The following EXOC7 variants were observed in gnomAD, a reference collection of about 807,000 sequenced individuals.
The protein encoded by EXOC7 is exocyst complex component Exo70.
EXOC7 carries 51 observed loss-of-function variants against 87.6 expected under a neutral mutation model. The observed-to-expected ratio is 0.58, with a 90% CI of 0.46 to 0.73. The LOEUF is 0.73. Among genes scored for constraint, EXOC7 ranks in the 30% least tolerant of loss-of-function variants. The probability of loss-of-function intolerance (pLI) is 0.00; values close to 1 mark genes in which losing one functional copy is unlikely to be tolerated. For synonymous variants in EXOC7, 327 were observed against 357.1 expected, an observed-to-expected ratio of 0.92 and a Z score of 0.95; for missense variants, 744 against 888.4, an observed-to-expected ratio of 0.84 and a Z score of 2.07.
chr17:76,091,098 C>T, intron 7 of EXOC7, 45 bp downstream of exon 7: 1 of 1,549,748 alleles, frequency 6.5e-7, no homozygotes, highest in African/African-American at 1.4e-5. Context: ...TGCGTGGACA[C>T]ACAGTGGAGG....
intron 7 of EXOC7, chr17:76,090,556 A>C: frequency 2.2e-6 from 3 of 1,374,678 alleles, no homozygotes; most frequent in Middle Eastern, 1.9e-4. Context: ...CCCCTCCTCT[A>C]CCTCAAGCCA....
intron 15 of EXOC7, 96 bp from the exon 16 acceptor site, chr17:76,084,676 T>C (rs1481592472): frequency 1.8e-6 from 2 of 1,107,080 alleles, no homozygotes; most frequent in Non-Finnish European, 2.7e-6. Flanking sequence ...ACTTGGTGGG[T>C]GGTGGTAGGA....
At chr17:76,094,665 G>T in intron 5 of EXOC7, 84 bp from the exon 6 acceptor site, 1 of 1,401,150 alleles carries the variant, frequency 7.1e-7, no homozygotes, top group Non-Finnish European at 9.8e-7. Flanking sequence ...TGTCAAACCT[G>T]TCAACCCTTC....
At chr17:76,094,290 G>A (rs1260025736) in intron 6 of EXOC7, 124 bp downstream of exon 6, 6 of 1,053,544 alleles carry the variant, frequency 5.7e-6, no homozygotes, top group South Asian at 1.7e-5. Context: ...TGTACCTACA[G>A]TCGGGGTTAC....
At chr17:76,085,918 C>T (rs575497029) in intron 13 of EXOC7, 121 bp from the exon 14 acceptor site, 3 of 1,520,418 alleles carry the variant, frequency 2.0e-6, no homozygotes, top group African/African-American at 2.7e-5. Flanking sequence ...GGCCTTAGCC[C>T]AACTCCCCTC....
In EXOC7 at chr17:76,082,594, T is replaced by C; in HGVS notation, c.*1054A>G. ...TGCAGGAATCTGGATGTGGGCAGCGTGCAAGTCTGACGCAGCCCCTGGAGA... is the reference window on the plus strand; with the variant it reads ...TGCAGGAATCTGGATGTGGGCAGCGCGCAAGTCTGACGCAGCCCCTGGAGA... On this transcript the variant is annotated 3_prime_UTR_variant, in exon 19 of 19. Coordinates refer to ENST00000589210, the MANE Select transcript of EXOC7 (RefSeq NM_001013839.4). 1 of 1,613,516 alleles carries C rather than the reference T, an allele frequency of 6.2e-7. No individual in the cohort carries two copies. Among genetic ancestry groups the C allele is most frequent in the Non-Finnish European group, 8.5e-7 (1 of 1,179,902 alleles).
At chr17:76,086,022 A>G (rs546700686) in intron 13 of EXOC7, 58 bp downstream of exon 13, 3 of 1,591,318 alleles carry the variant, frequency 1.9e-6, no homozygotes, top group African/African-American at 2.7e-5. Context: ...GACAGAAGGA[A>G]GGGAAAGGCA....
intron 6 of EXOC7, 199 bp from the exon 7 acceptor site, chr17:76,091,434 T>G: frequency 1.7e-6 from 1 of 580,444 alleles, no homozygotes; most frequent in Non-Finnish European, 3.1e-6. Flanking sequence ...GGAGCCTTGA[T>G]TCTACTACCG....
chr17:76,100,742 C>A (rs2068018987), intron 4 of EXOC7, among the ~76,000 whole-genome samples: 1 of 152,110 alleles, frequency 6.6e-6, no homozygotes, highest in Non-Finnish European at 1.5e-5. Flanking sequence ...CCTGTAATCC[C>A]AGGCCAAGGC....
intron 5 of EXOC7, among the ~76,000 whole-genome samples, chr17:76,097,325 T>C (rs1041289876): frequency 1.3e-5 from 2 of 152,206 alleles, no homozygotes; most frequent in Non-Finnish European, 2.9e-5. Context: ...CCACTTGATA[T>C]ACAAGTCATA....
chr17:76,085,715 C>T lies in EXOC7; in HGVS notation c.1578G>A (p.Leu526=), dbSNP rs868228304. ...YEDPALSAIF[L]HNNYNYILKS... ...TGAGGATGTAATTGTAGTTGTTGTG[C>T]AGGAAGATGGCGCTCAGAGCTGGGT... The change falls in exon 14 of 19, where the codon CTG becomes CTA. Residue 526 remains leucine (L), a synonymous_variant. Transcript: ENST00000589210. 2 of 1,614,132 alleles carry T rather than the reference C, an allele frequency of 1.2e-6. No individual in the cohort carries two copies. The highest frequency in any genetic ancestry group is 1.7e-6 in the Non-Finnish European group (2 of 1,180,032).
rs2144571742 is a variant in EXOC7 at position 76,082,127 on chromosome 17, G to A, written c.*1521C>T. On this transcript the variant is annotated 3_prime_UTR_variant, in exon 19 of 19. Coordinates refer to ENST00000589210, the MANE Select transcript of EXOC7 (RefSeq NM_001013839.4). ...GGGGTGAGGGCACGGAGGTCCAGGT[G>A]TGGGTAGAGGCCCCTTGCATCCACC... is the stretch of plus-strand genomic sequence containing the variant. The A allele has an allele frequency of 6.7e-7, 1 of 1,481,706 alleles. No homozygotes were observed. The highest frequency in any genetic ancestry group is 2.2e-4 in the Middle Eastern group (1 of 4,462). The allele number at this position is 1,481,706 out of a possible 1,614,324, so 91.8% of individuals were successfully genotyped here.
chr17:76,082,791 C>G lies in EXOC7; in HGVS notation c.*857G>C. ...ACACAAGCACAGAGCGTGAAATAAACCCATCTCCAGTGCAAGTGTGCCTCA... is the reference window on the plus strand; with the variant it reads ...ACACAAGCACAGAGCGTGAAATAAAGCCATCTCCAGTGCAAGTGTGCCTCA... On this transcript the variant is annotated 3_prime_UTR_variant, in exon 19 of 19. Coordinates refer to ENST00000589210, the MANE Select transcript of EXOC7 (RefSeq NM_001013839.4). The G allele has an allele frequency of 1.2e-6, 1 of 817,606 alleles. No individual in the cohort carries two copies. The highest frequency in any genetic ancestry group is 1.8e-6 in the Non-Finnish European group (1 of 560,812). The allele number at this position is 817,606 out of a possible 1,614,324, so 50.6% of individuals were successfully genotyped here.
chr17:76,092,011 G>T (rs1401615911), intron 6 of EXOC7, among the ~76,000 whole-genome samples: 2 of 152,312 alleles, frequency 1.3e-5, no homozygotes, highest in African/African-American at 2.4e-5. Flanking sequence ...ACCCACAGCC[G>T]CCTGGGTCAG....
intron 15 of EXOC7, chr17:76,085,034 A>G (rs1023060810): frequency 2.0e-6 from 1 of 508,522 alleles, no homozygotes; most frequent in Non-Finnish European, 3.5e-6. Context: ...CTAGGTAAAC[A>G]TTACCCACGT....
chr17:76,085,949 G>A (rs937372482), intron 13 of EXOC7, 131 bp downstream of exon 13: 3 of 1,508,664 alleles, frequency 2.0e-6, no homozygotes, highest in Non-Finnish European at 2.7e-6. Context: ...CTAGAGGTCA[G>A]GTTGTGGTTC....
At position 76,082,928 on chromosome 17, in the gene EXOC7, G is replaced by GGCA; in HGVS notation, c.*717_*719dup. ...GTCCCTGTCTCCCAGCCCACAGGCA[G>GGCA]GCAGCCTAATTGCTCCTTCTGCAAC... On this transcript the variant is annotated 3_prime_UTR_variant, in exon 19 of 19. Transcript: ENST00000589210. The GGCA allele has an allele frequency of 3.2e-6, 1 of 314,184 alleles. No homozygotes were observed. Among genetic ancestry groups the GGCA allele is most frequent in the Non-Finnish European group, 5.8e-6 (1 of 171,362 alleles). The allele number at this position is 314,184 out of a possible 1,614,324, so 19.5% of individuals were successfully genotyped here.
rs1205592320 is a variant in EXOC7, at chr17:76,082,627, C to T, written c.*1021G>A. Reference sequence around the variant, plus strand: ...TGACGCAGCCCCTGGAGAGGCTGCACCCCATGGCAGGCGGCCTAGACTGTA... The same window carrying T: ...TGACGCAGCCCCTGGAGAGGCTGCATCCCATGGCAGGCGGCCTAGACTGTA... On this transcript the variant is annotated 3_prime_UTR_variant, in exon 19 of 19. Transcript: ENST00000589210. 3 of 1,612,694 alleles carry T rather than the reference C, an allele frequency of 1.9e-6. No homozygotes were observed. The highest frequency in any genetic ancestry group is 2.2e-5 in the East Asian group (1 of 44,858).
In EXOC7 at chr17:76,082,761, C is replaced by A. The variant is rs560561955; in HGVS notation, c.*887G>T. On this transcript the variant is annotated 3_prime_UTR_variant, in exon 19 of 19. Transcript: ENST00000589210. ...TAAGCCACCCTGAGCTCTCCCTCCG[C>A]TAGCACACAAGCACAGAGCGTGAAA... 1.5e-5 allele frequency: 16 copies of A among 1,092,914 alleles called. No individual in the cohort carries two copies. The highest frequency in any genetic ancestry group is 2.8e-5 in the Admixed American group (1 of 35,130). 67.7% of individuals were successfully genotyped at this position (1,092,914 alleles called of 1,614,324 possible).
Sources: gnomAD v4.1 joint callset for allele counts (sites outside exome capture counted in the v4.1 genomes callset) on GRCh38, gnomAD v4.1.1 for gene constraint, MANE v1.5 for transcripts, NCBI Gene and HGNC (gene_info 2026-07-23, HGNC 2026-07-21) for gene names.